Variants in SI observed in about 807,000 individuals in gnomAD.
SI encodes the protein sucrase-isomaltase, also known as sucrase-isomaltase, intestinal.
Under a neutral mutation model 253.3 loss-of-function variants are expected in SI, and 235 were observed. The ratio of observed to expected loss-of-function variants is 0.93; its 90% CI spans 0.83 to 1.03. The LOEUF is 1.03. SI is among the 50% of genes least tolerant of loss of function. The probability of loss-of-function intolerance (pLI) is 0.00; values close to 1 mark genes in which losing one functional copy is unlikely to be tolerated. For missense variants in SI, 2,442 were observed against 2,211.1 expected (o/e 1.10, Z -2.09); for synonymous variants, 819 against 712.0 (o/e 1.15, Z -2.39).
intron 31 of SI, among the ~76,000 whole-genome samples, chr3:165,016,737 G>A (rs1196745005): frequency 6.6e-6 from 1 of 151,926 alleles, no homozygotes; most frequent in East Asian, 1.9e-4. Flanking sequence ...ATTATTTTCT[G>A]TTAGTTGACA....
In SI at chr3:165,009,339, C is replaced by T; in HGVS notation, c.4119G>A (p.Trp1373Ter). The T allele has an allele frequency of 6.2e-7, 1 of 1,613,676 alleles. No homozygotes were observed. Among genetic ancestry groups the T allele is most frequent in the Non-Finnish European group, 8.5e-7 (1 of 1,179,728 alleles). ...PDFFRTSTAE[W>*]WAREIVDFYN... ...AAAAGTCCACAATTTCTCTGGCCCA[C>T]CACTCTGCTGTGGAAGTCCTGAAGA... Residue 1373 changes from tryptophan to a stop codon, truncating the protein, a stop_gained, in exon 35 of 48, where the codon TGG becomes TGA. Coordinates refer to ENST00000264382, the MANE Select transcript of SI (RefSeq NM_001041.4). LOFTEE classifies it high-confidence loss of function.
chr3:165,089,878 G>A, the SI span, among the ~76,000 whole-genome samples: 3 of 152,098 alleles, frequency 2.0e-5, no homozygotes, highest in South Asian at 6.2e-4. Context: ...CACATCCTCA[G>A]TTTGAAAAAT....
At chr3:165,038,063 G>T (rs760922478) in intron 20 of SI, 39 bp from the exon 21 acceptor site, 6 of 1,542,816 alleles carry the variant, frequency 3.9e-6, no homozygotes, top group Non-Finnish European at 4.5e-6. Context: ...TAATATTATT[G>T]AAGACTTTAA....
intron 15 of SI, among the ~76,000 whole-genome samples, chr3:165,048,864 G>C (rs925630874): frequency 6.6e-6 from 1 of 151,948 alleles, no homozygotes; most frequent in Non-Finnish European, 1.5e-5. Flanking sequence ...TGTTGTGCCT[G>C]CCTCGGCCTC....
At chr3:165,018,197 G>C (rs1163762736) in intron 28 of SI, 131 bp from the exon 29 acceptor site, 1 of 642,676 alleles carries the variant, frequency 1.6e-6, no homozygotes, top group African/African-American at 1.8e-5. Flanking sequence ...CTTAAACTAT[G>C]CTTCAGTTAA....
intron 22 of SI, 108 bp from the exon 23 acceptor site, chr3:165,033,552 A>G: frequency 1.9e-6 from 2 of 1,057,268 alleles, no homozygotes; most frequent in Non-Finnish European, 2.4e-6. Context: ...GATGCTGTTT[A>G]TTAATGAAGC....
In SI at chr3:165,043,050, G is replaced by C. The variant is rs369552398; in HGVS notation, c.2004+9C>G. On this transcript the variant is annotated intron_variant, in intron 17 of 47. Coordinates refer to ENST00000264382, the MANE Select transcript of SI (RefSeq NM_001041.4). ...TTATTTCGCAACATGGAGAACAAGA[G>C]GCTCTTACTTCATATCCGTCAGAAT... The C allele has an allele frequency of 1.2e-5, 18 of 1,484,704 alleles. No homozygotes were observed. The highest frequency in any genetic ancestry group is 6.8e-5 in the East Asian group (3 of 44,094). The allele number at this position is 1,484,704 out of a possible 1,614,324, so 92.0% of individuals were successfully genotyped here.
chr3:165,010,662 C>A (rs1421258492), intron 34 of SI, among the ~76,000 whole-genome samples: 1 of 152,260 alleles, frequency 6.6e-6, no homozygotes, highest in African/African-American at 2.4e-5. Context: ...TTACATAATT[C>A]ATTTTTTAGT....
chr3:165,025,658 G>A (rs892021866), intron 25 of SI, among the ~76,000 whole-genome samples: 5 of 151,338 alleles, frequency 3.3e-5, no homozygotes, highest in East Asian at 1.9e-4. Flanking sequence ...AACCCTACAA[G>A]CTAGAAGGGA....
intron 12 of SI, 77 bp downstream of exon 12, chr3:165,058,886 A>ACACACG (rs1318850807): frequency 4.2e-6 from 5 of 1,199,786 alleles, no homozygotes; most frequent in Admixed American, 1.8e-5. Flanking sequence ...ACACACACAC[A>ACACACG]CGCACATCCA....
chr3:165,019,792 G>A (rs768280901), intron 27 of SI, 22 bp from the exon 28 acceptor site: 39 of 1,606,894 alleles, frequency 2.4e-5, no homozygotes, highest in African/African-American at 5.4e-5. Flanking sequence ...AGAAAACAAA[G>A]CTATGTCTGT....
chr3:165,064,381 A>G (rs1714125943), intron 7 of SI, among the ~76,000 whole-genome samples: 1 of 152,114 alleles, frequency 6.6e-6, no homozygotes, highest in Non-Finnish European at 1.5e-5. Flanking sequence ...GGTGTCGATT[A>G]TAGATAGTGA....
At chr3:165,080,674 T>A (rs977430955), upstream of SI, among the ~76,000 whole-genome samples, 2 of 151,952 alleles carry the variant, frequency 1.3e-5, no homozygotes, top group Admixed American at 1.3e-4. Context: ...ACACTGCATG[T>A]TCTCACTCAT....
At chr3:165,020,492 G>A (rs1711541411) in intron 27 of SI, among the ~76,000 whole-genome samples, 1 of 151,490 alleles carries the variant, frequency 6.6e-6, no homozygotes, top group African/African-American at 2.4e-5. Context: ...AATAAATAAT[G>A]CCCTTGCACC....
upstream of SI, among the ~76,000 whole-genome samples, chr3:165,080,694 T>C (rs866815577): frequency 2.0e-5 from 3 of 151,864 alleles, no homozygotes; most frequent in African/African-American, 4.8e-5. Context: ...TAGGTGGAAA[T>C]TGAACAATGA....
upstream of SI, among the ~76,000 whole-genome samples, chr3:165,083,106 G>T (rs1314085838): frequency 1.3e-5 from 2 of 151,776 alleles, no homozygotes; most frequent in African/African-American, 2.4e-5. Flanking sequence ...CTACAATATG[G>T]CCTTGTTAAA....
chr3:165,062,227 C>A, intron 9 of SI, 144 bp downstream of exon 9: 1 of 607,962 alleles, frequency 1.6e-6, no homozygotes, highest in Non-Finnish European at 2.9e-6. Flanking sequence ...AAACACCCAG[C>A]TGCATCTTAA....
Position 165,036,352 on chromosome 3 carries a change from A to G in SI, c.2515+37T>C, listed in dbSNP as rs975952651. ...AATAAAGCCAAAACTTCCCATTATC[A>G]GAGTGAACATTTAAAGCGTATTACT... is the stretch of plus-strand genomic sequence containing the variant. On this transcript the variant is annotated intron_variant, in intron 22 of 47. Coordinates refer to ENST00000264382, the MANE Select transcript of SI (RefSeq NM_001041.4). The G allele has an allele frequency of 7.9e-6, 11 of 1,395,332 alleles. No individual in the cohort carries two copies. In the African/African-American group the frequency reaches 8.5e-5, roughly 11 times the overall value. 86.4% of individuals were successfully genotyped at this position (1,395,332 alleles called of 1,614,324 possible).
chr3:165,035,316 G>T (rs1712476091), intron 22 of SI, among the ~76,000 whole-genome samples: 1 of 151,914 alleles, frequency 6.6e-6, no homozygotes, highest in Non-Finnish European at 1.5e-5. Context: ...ATAATTAATA[G>T]CTGTTAATGA....
Sources: allele counts gnomAD v4.1 joint callset (sites outside exome capture counted in the v4.1 genomes callset), GRCh38; gene constraint gnomAD v4.1.1; transcripts MANE v1.5; gene names NCBI Gene and HGNC (gene_info 2026-07-23, HGNC 2026-07-21).